Variants in CUX1 observed in about 807,000 individuals in gnomAD.
The protein encoded by CUX1 is protein CASP.
Under a neutral mutation model 158.8 loss-of-function variants are expected in CUX1, and 31 were observed. That is an observed-to-expected ratio of 0.20 (90% CI 0.15 to 0.26). The LOEUF is 0.26. CUX1 is among the 10% of genes least tolerant of loss of function. The pLI is 1.00. For synonymous variants in CUX1, 879 were observed against 862.1 expected (o/e 1.02, Z -0.34); for missense variants, 1,589 against 2,014.6 (o/e 0.79, Z 4.04).
At chr7:102,127,964 C>G (rs1395792535) in intron 8 of CUX1, among the ~76,000 whole-genome samples, 1 of 152,234 alleles carries the variant, frequency 6.6e-6, no homozygotes, top group Admixed American at 6.5e-5. Flanking sequence ...TCTTCTGCCT[C>G]GGCCTCCTGA....
chr7:102,173,801 G>C (rs388592), intron 10 of CUX1, among the ~76,000 whole-genome samples: 248 of 152,242 alleles, frequency 1.6e-3, no homozygotes, highest in Admixed American at 2.3e-3. Context: ...GTTAAGTGCC[G>C]TGTTTACATG....
chr7:101,901,629 G>T (rs1461836712), intron 1 of CUX1, among the ~76,000 whole-genome samples: 1 of 152,180 alleles, frequency 6.6e-6, no homozygotes, highest in African/African-American at 2.4e-5. Flanking sequence ...GTTATAAGCA[G>T]CCAGTGGCCC....
chr7:102,116,147 G>C (rs1422781145), intron 8 of CUX1, among the ~76,000 whole-genome samples: 2 of 152,120 alleles, frequency 1.3e-5, no homozygotes, highest in Non-Finnish European at 2.9e-5. Context: ...GTCCCACCAG[G>C]CTCCACCTCT....
At chr7:102,159,756 G>A (rs1472429778) in intron 9 of CUX1, among the ~76,000 whole-genome samples, 1 of 152,178 alleles carries the variant, frequency 6.6e-6, no homozygotes, top group Non-Finnish European at 1.5e-5. Context: ...AGCTACTCAG[G>A]AGGCTGAGGC....
At chr7:101,897,908 A>C (rs973126532) in intron 1 of CUX1, among the ~76,000 whole-genome samples, 165 of 152,208 alleles carry the variant, frequency 1.1e-3, no homozygotes, top group African/African-American at 3.8e-3. Context: ...TTGTCTAAAA[A>C]CCAAAACCAA....
At chr7:102,271,457 C>T (rs1201620079) in intron 14 of CUX1, among the ~76,000 whole-genome samples, 4 of 152,196 alleles carry the variant, frequency 2.6e-5, no homozygotes, top group Non-Finnish European at 4.4e-5. Context: ...GCATGTGTGG[C>T]CGGCTCTGCC....
At chr7:101,863,840 T>A (rs1797698736) in intron 1 of CUX1, among the ~76,000 whole-genome samples, 1 of 152,214 alleles carries the variant, frequency 6.6e-6, no homozygotes, top group Non-Finnish European at 1.5e-5. Context: ...CTTAGCACAG[T>A]GTCAAAGTTC....
chr7:102,074,655 A>G (rs1161062310), intron 4 of CUX1, among the ~76,000 whole-genome samples: 1 of 152,184 alleles, frequency 6.6e-6, no homozygotes, highest in African/African-American at 2.4e-5. Flanking sequence ...GAGTTCACCA[A>G]GGGTTGCACT....
At chr7:102,139,379 T>A (rs1225632114) in intron 8 of CUX1, among the ~76,000 whole-genome samples, 7 of 151,972 alleles carry the variant, frequency 4.6e-5, no homozygotes, top group Non-Finnish European at 8.8e-5. Context: ...AGAATTACAA[T>A]GACATTGTAT....
chr7:101,925,113 T>C (rs532640220), intron 2 of CUX1, among the ~76,000 whole-genome samples: 42 of 152,254 alleles, frequency 2.8e-4, no homozygotes, highest in Non-Finnish European at 5.7e-4. Context: ...TGTGACACAA[T>C]GGGGCCTTTT....
chr7:101,899,699 G>A (rs545729672), intron 1 of CUX1, among the ~76,000 whole-genome samples: 9 of 152,174 alleles, frequency 5.9e-5, no homozygotes, highest in Non-Finnish European at 1.3e-4. Context: ...AAGAACTCAC[G>A]TCTAGAGTTC....
intron 2 of CUX1, among the ~76,000 whole-genome samples, chr7:101,946,925 T>C (rs1808453167): frequency 6.6e-6 from 1 of 151,862 alleles, no homozygotes; most frequent in African/African-American, 2.4e-5. Context: ...CTCCGTGAGC[T>C]CGGCGGTGAG....
chr7:101,974,647 A>G (rs1211320646), intron 2 of CUX1, among the ~76,000 whole-genome samples: 1 of 152,180 alleles, frequency 6.6e-6, no homozygotes, highest in African/African-American at 2.4e-5. Context: ...ATTCACTCCA[A>G]AAGTGCCTTT....
At position 101,998,586 on chromosome 7, in the gene CUX1, C is replaced by A. The variant is rs185251382; in HGVS notation, c.142-29512C>A. ...GGAGAAGTAGTATTTCCACACCCCACTCAGGGCGATAGCGTTTGAGGAAGA... is the reference window on the plus strand; with the variant it reads ...GGAGAAGTAGTATTTCCACACCCCAATCAGGGCGATAGCGTTTGAGGAAGA... On this transcript the variant is annotated intron_variant, in intron 2 of 23. Coordinates refer to ENST00000292535, the MANE Select transcript of CUX1 (RefSeq NM_181552.4). Among the ~76,000 whole-genome samples the A allele has an allele frequency of 2.4e-3, 365 of 152,330 alleles. 1 individual carries two copies. Among genetic ancestry groups the A allele is most frequent in the Non-Finnish European group, 1.1e-3 (76 of 68,040 alleles).
rs1481897404 is a variant in CUX1 at position 102,249,491 on chromosome 7, T to TA, written c.*450dup. ...TTTTTGTACCCTGAAGTGTTTTTTT[T>TA]ATTGCCCTAAGTGATTTCCACAGGT... On this transcript the variant is annotated 3_prime_UTR_variant, in exon 24 of 24. Transcript: ENST00000292535. 31 of 985,846 alleles carry TA rather than the reference T, an allele frequency of 3.1e-5. No individual in the cohort carries two copies. The highest frequency in any genetic ancestry group is 3.5e-5 in the Non-Finnish European group (29 of 829,968). 61.1% of individuals were successfully genotyped at this position (985,846 alleles called of 1,614,324 possible).
At chr7:101,996,849 C>A (rs764285431) in intron 2 of CUX1, among the ~76,000 whole-genome samples, 1 of 152,138 alleles carries the variant, frequency 6.6e-6, no homozygotes, top group South Asian at 2.1e-4. Context: ...GCATACATAC[C>A]CTTCCACCCT....
intron 3 of CUX1, among the ~76,000 whole-genome samples, chr7:102,069,747 C>CA (rs1161567906): frequency 2.0e-5 from 3 of 151,768 alleles, no homozygotes; most frequent in Admixed American, 6.6e-5. Context: ...GACTCTGTCT[C>CA]AAAAAAAGGA....
Position 102,028,046 on chromosome 7 carries a change from C to T in CUX1, c.142-52C>T, listed in dbSNP as rs1465690220. The T allele has an allele frequency of 6.9e-6, 11 of 1,604,142 alleles. No individual in the cohort carries two copies. The African/African-American group carries it at 1.3e-4, about 20-fold the overall frequency. On this transcript the variant is annotated intron_variant, in intron 2 of 23. Coordinates refer to ENST00000292535, the MANE Select transcript of CUX1 (RefSeq NM_181552.4). ...TTAGGAGGCCTTAACCAATGTTTCC[C>T]TTCTTTCTCCTTCTCAAATGGCTGC...
chr7:102,172,881 T>A (rs1554510782), intron 10 of CUX1, among the ~76,000 whole-genome samples: 1 of 151,806 alleles, frequency 6.6e-6, no homozygotes, highest in Admixed American at 6.6e-5. Context: ...GGGCAAAATA[T>A]CGAAACCCCA....
Sources: gnomAD v4.1 joint callset for allele counts (sites outside exome capture counted in the v4.1 genomes callset) on GRCh38, gnomAD v4.1.1 for gene constraint, MANE v1.5 for transcripts, NCBI Gene and HGNC (gene_info 2026-07-23, HGNC 2026-07-21) for gene names.